RAP1GAP: variants seen among roughly 807,000 people sequenced by gnomAD.
The protein encoded by RAP1GAP is RAP1 GTPase activating protein.
Under a neutral mutation model 87.2 loss-of-function variants are expected in RAP1GAP, and 35 were observed. The ratio of observed to expected loss-of-function variants is 0.40; its 90% CI spans 0.31 to 0.53. The LOEUF is 0.53. Ranked by LOEUF, RAP1GAP falls within the 20% of genes least tolerant of loss-of-function variation. The pLI, the probability that RAP1GAP is intolerant of heterozygous loss-of-function variation, is 0.48. For missense variants in RAP1GAP, 734 were observed against 898.9 expected (o/e 0.82, Z 2.35); for synonymous variants, 375 against 363.9 (o/e 1.03, Z -0.35).
At chr1:21,650,512 T>C (rs72660346) in intron 1 of RAP1GAP, among the ~76,000 whole-genome samples, 38 of 152,312 alleles carry the variant, frequency 2.5e-4, no homozygotes, top group Non-Finnish European at 4.6e-4. Flanking sequence ...GCTGAGCAGC[T>C]GTTGGGACAA....
At position 21,604,024 on chromosome 1, in the gene RAP1GAP, AAGAC is replaced by A. The variant is rs1400843928; in HGVS notation, c.1429-1115_1429-1112del. The A allele has an allele frequency of 3.1e-5, 26 of 848,674 alleles. 1 individual carries two copies. Among genetic ancestry groups the A allele is most frequent in the South Asian group, 2.5e-4 (14 of 55,978 alleles). The allele number at this position is 848,674 out of a possible 1,614,324, so 52.6% of individuals were successfully genotyped here. A position where few individuals can be genotyped will look rare whatever the true frequency, so the allele number is the denominator to read the frequency against. On this transcript the variant is annotated intron_variant, in intron 18 of 24. Coordinates refer to ENST00000374765, the MANE Select transcript of RAP1GAP (RefSeq NM_002885.4). ...GAGGAGGAGAGGCAGGGAAAGGAGG[AAGAC>A]AGACAGAAAAAGGAAGAGAACGGTG... is the stretch of plus-strand genomic sequence containing the variant.
chr1:21,629,530 A>C (rs1034329507), intron 2 of RAP1GAP, among the ~76,000 whole-genome samples: 4 of 152,166 alleles, frequency 2.6e-5, no homozygotes, highest in Non-Finnish European at 5.9e-5. Flanking sequence ...GGCTGGCCAC[A>C]GTCCTGTCCC....
At chr1:21,616,404 T>C (rs2082191799) in intron 7 of RAP1GAP, among the ~76,000 whole-genome samples, 1 of 152,262 alleles carries the variant, frequency 6.6e-6, no homozygotes, top group Non-Finnish European at 1.5e-5. Flanking sequence ...GTATTTACCA[T>C]GTGCCAGGTG....
chr1:21,651,359 C>T (rs746812111), intron 1 of RAP1GAP: 2 of 493,674 alleles, frequency 4.1e-6, no homozygotes, highest in African/African-American at 1.9e-5. Flanking sequence ...AGCAGAACCT[C>T]CCCCTGACCT....
intron 3 of RAP1GAP, among the ~76,000 whole-genome samples, chr1:21,623,926 G>A (rs1263029126): frequency 6.6e-6 from 1 of 152,234 alleles, no homozygotes; most frequent in Non-Finnish European, 1.5e-5. Flanking sequence ...GTGCGTGTGT[G>A]TGAGACTCCA....
chr1:21,614,989 C>A (rs755022261), intron 7 of RAP1GAP, among the ~76,000 whole-genome samples: 1 of 152,226 alleles, frequency 6.6e-6, no homozygotes, highest in Non-Finnish European at 1.5e-5. Flanking sequence ...CCCACGAATC[C>A]GCAGCTCAGG....
chr1:21,627,415 T>C (rs1234908723), intron 2 of RAP1GAP, among the ~76,000 whole-genome samples: 2 of 149,472 alleles, frequency 1.3e-5, no homozygotes, highest in African/African-American at 2.5e-5. Context: ...TCTTCTTTTT[T>C]TTTTTTTTTT....
chr1:21,651,081 T>C (rs1447262627), intron 1 of RAP1GAP, among the ~76,000 whole-genome samples: 1 of 152,154 alleles, frequency 6.6e-6, no homozygotes, highest in East Asian at 1.9e-4. Context: ...CCCTCCAATT[T>C]GCCAAATCTC....
At chr1:21,598,601 C>T in intron 21 of RAP1GAP, 99 bp from the exon 22 acceptor site, 1 of 995,450 alleles carries the variant, frequency 1.0e-6, no homozygotes. Flanking sequence ...TTCCACAACC[C>T]CCCACCCGTA....
intron 17 of RAP1GAP, 33 bp from the exon 18 acceptor site, chr1:21,606,230 G>A (rs1462771838): frequency 6.4e-6 from 10 of 1,558,074 alleles, no homozygotes; most frequent in Non-Finnish European, 6.9e-6. Context: ...GGAGGCACAG[G>A]ATTCCTAAGG....
chr1:21,638,227 T>C (rs1430885625), intron 2 of RAP1GAP, among the ~76,000 whole-genome samples: 1 of 150,612 alleles, frequency 6.6e-6, no homozygotes, highest in East Asian at 1.9e-4. Flanking sequence ...GGAGGCCAAG[T>C]CAGGTGGATC....
intron 3 of RAP1GAP, among the ~76,000 whole-genome samples, chr1:21,621,784 C>T (rs1362450052): frequency 1.3e-5 from 2 of 152,122 alleles, no homozygotes; most frequent in African/African-American, 4.8e-5. Flanking sequence ...CATTAAGACA[C>T]CCCACTCAGG....
In RAP1GAP at chr1:21,603,090, C is replaced by T; in HGVS notation, c.1429-177G>A. 3.4e-6 allele frequency: 2 copies of T among 584,534 alleles called. No individual in the cohort carries two copies. The highest frequency in any genetic ancestry group is 6.1e-6 in the Non-Finnish European group (2 of 328,292). The allele number at this position is 584,534 out of a possible 1,614,324, so 36.2% of individuals were successfully genotyped here. ...TCCCAGTTTACGAAAGGGAAACAGT[C>T]CCCAGGAGGGCAAGGGGCTCTCCCG... On this transcript the variant is annotated intron_variant, in intron 18 of 24. Transcript: ENST00000374765. This position sits in a 1 kb window ranked among gnomAD's most constrained non-coding sequence, Gnocchi z 6.0.
chr1:21,657,920 A>T (rs1354269730), intron 1 of RAP1GAP, among the ~76,000 whole-genome samples: 1 of 152,146 alleles, frequency 6.6e-6, no homozygotes. Context: ...CTCCACCCCG[A>T]CAAGGCCCTC....
In RAP1GAP at chr1:21,614,042, G is replaced by C. The variant is rs938785822; in HGVS notation, c.339C>G (p.Val113=). The C allele has an allele frequency of 5.6e-6, 9 of 1,612,742 alleles. No homozygotes were observed. The African/African-American group carries it at 1.2e-4, about 22-fold the overall frequency. ...CGATGACATCGTACTTGAGTGAGAA[G>C]ACAAGGTGGCCGAGGGCAGCGTCCA... ...YSLDAALGHL[V]FSLKYDVIGD... Residue 113 remains valine, a synonymous_variant, in exon 8 of 25, where the codon GTC becomes GTG. Transcript: ENST00000374765.
In RAP1GAP at chr1:21,650,672, C is replaced by T. The variant is rs533577764; in HGVS notation, c.-148-876G>A. On this transcript the variant is annotated intron_variant, in intron 1 of 24. Transcript: ENST00000374765. ...AGGCCGACTCTGCAGACAGTGAGGT[C>T]AGAGAAGCCAGGACTTGCCCAAGGT... 6.6e-5 allele frequency among the ~76,000 whole-genome samples: 10 copies of T among 152,332 alleles called. No homozygotes were observed. The East Asian group carries it at 1.9e-3, about 29-fold the overall frequency.
At position 21,601,761 on chromosome 1, in the gene RAP1GAP, G is replaced by GC. The variant is rs772552941; in HGVS notation, c.1574dup (p.Ser525ArgfsTer86). 6.2e-7 allele frequency: 1 copy of GC among 1,610,636 alleles called. No individual in the cohort carries two copies. The highest frequency in any genetic ancestry group is 8.5e-7 in the Non-Finnish European group (1 of 1,178,134). The stretch of plus-strand genomic sequence containing the variant: ...ACTTGGGCTCCTGTGAGACGTGCCC[G>GC]CTGTCTGGGGTCTTCTGACCAGCCG... On this transcript the variant is annotated frameshift_variant, in exon 20 of 25. Coordinates refer to ENST00000374765, the MANE Select transcript of RAP1GAP (RefSeq NM_002885.4). LOFTEE classifies it high-confidence loss of function.
chr1:21,638,688 G>C (rs896257175), intron 2 of RAP1GAP, among the ~76,000 whole-genome samples: 1 of 152,194 alleles, frequency 6.6e-6, no homozygotes, highest in African/African-American at 2.4e-5. Flanking sequence ...TTTCTGCACG[G>C]TTTGGATGTT....
At chr1:21,660,352 T>TATATATATATATA (rs1248298305) in intron 1 of RAP1GAP, among the ~76,000 whole-genome samples, 18 of 85,918 alleles carry the variant, frequency 2.1e-4, no homozygotes, top group East Asian at 6.2e-4. Context: ...TATATATTTA[T>TATATATATATATA]TGAGACAGTC....
Sources: gnomAD v4.1 joint callset for allele counts (sites outside exome capture counted in the v4.1 genomes callset) on GRCh38, gnomAD v4.1.1 for gene constraint, Gnocchi (gnomAD v3.1) non-coding constraint, MANE v1.5 for transcripts, NCBI Gene and HGNC (gene_info 2026-07-23, HGNC 2026-07-21) for gene names.